Variants in NEK10 observed in about 807,000 individuals in gnomAD.
NEK10 encodes the protein serine/threonine-protein kinase Nek10.
Under a neutral mutation model 159.8 loss-of-function variants are expected in NEK10, and 122 were observed. The observed-to-expected ratio is 0.76, with a 90% CI of 0.66 to 0.89. The LOEUF (loss-of-function observed/expected upper bound fraction) is 0.89. Among genes scored for constraint, NEK10 ranks in the 40% least tolerant of loss-of-function variants. The pLI, the probability that NEK10 is intolerant of heterozygous loss-of-function variation, is 0.00. For synonymous variants in NEK10, 466 were observed against 457.1 expected (o/e 1.02, Z -0.25); for missense variants, 1,342 against 1,323.1 (o/e 1.01, Z -0.22).
chr3:27,366,198 T>C (rs1307365473), intron 1 of NEK10, among the ~76,000 whole-genome samples: 1 of 152,108 alleles, frequency 6.6e-6, no homozygotes, highest in Non-Finnish European at 1.5e-5. Flanking sequence ...AACCACCCCA[T>C]TTTACAGATG....
chr3:27,188,890 T>C (rs17679780), intron 26 of NEK10, among the ~76,000 whole-genome samples: 4,756 of 152,274 alleles, frequency 0.031, 92 homozygotes, highest in African/African-American at 0.04. Context: ...ATGTCTTTAA[T>C]TGATTTTTCT....
intron 26 of NEK10, among the ~76,000 whole-genome samples, chr3:27,176,012 G>C (rs532153276): frequency 6.6e-6 from 1 of 152,178 alleles, no homozygotes; most frequent in South Asian, 2.1e-4. Context: ...CCAAGGCACA[G>C]GTTTCTAAAA....
chr3:27,230,169 T>G (rs1293358917), intron 23 of NEK10, among the ~76,000 whole-genome samples: 1 of 152,080 alleles, frequency 6.6e-6, no homozygotes, highest in Non-Finnish European at 1.5e-5. Context: ...AACAGAAGAT[T>G]TCTCAGGAGA....
rs1327816797 is a variant in NEK10, at chr3:27,365,657, C to A, written c.-38+3568G>T. Among the ~76,000 whole-genome samples the A allele has an allele frequency of 7.2e-5, 9 of 124,142 alleles. No individual in the cohort carries two copies. In the South Asian group the frequency reaches 2.3e-3, roughly 32 times the overall value. 81.4% of individuals were successfully genotyped at this position (124,142 alleles called of 152,430 possible). A position where few individuals can be genotyped will look rare whatever the true frequency, so the allele number is the denominator to read the frequency against. On this transcript the variant is annotated intron_variant, in intron 1 of 35. Coordinates refer to ENST00000691995, the MANE Select transcript of NEK10 (RefSeq NM_001394966.1). Reference sequence around the variant, plus strand: ...AGATGGAGTCTTGCTCTATTGCCCACGGTGGAGTGCAGTAGCACGATCTCA... The same window carrying A: ...AGATGGAGTCTTGCTCTATTGCCCAAGGTGGAGTGCAGTAGCACGATCTCA...
At chr3:27,241,384 A>C (rs1163960347) in intron 23 of NEK10, among the ~76,000 whole-genome samples, 1 of 152,138 alleles carries the variant, frequency 6.6e-6, no homozygotes, top group Non-Finnish European at 1.5e-5. Flanking sequence ...AACCATTTGC[A>C]GGTTTGTCTG....
chr3:27,168,703 G>A (rs1248965192), intron 29 of NEK10, among the ~76,000 whole-genome samples: 1 of 152,154 alleles, frequency 6.6e-6, no homozygotes, highest in African/African-American at 2.4e-5. Context: ...GTGTTCCCTG[G>A]TGGCATGTCA....
chr3:27,162,844 T>A, intron 29 of NEK10, 106 bp from the exon 30 acceptor site: 1 of 1,471,550 alleles, frequency 6.8e-7, no homozygotes, highest in South Asian at 1.3e-5. Flanking sequence ...TAATAGAGAT[T>A]ATTTTCCCTC....
intron 32 of NEK10, among the ~76,000 whole-genome samples, chr3:27,130,661 A>G (rs1320485971): frequency 6.6e-6 from 1 of 152,224 alleles, no homozygotes; most frequent in Non-Finnish European, 1.5e-5. Context: ...CTTAATAAGA[A>G]TATAAAATAA....
At chr3:27,162,022 A>AAAAGG (rs1946054671) in intron 30 of NEK10, among the ~76,000 whole-genome samples, 1 of 152,060 alleles carries the variant, frequency 6.6e-6, no homozygotes, top group Non-Finnish European at 1.5e-5. Flanking sequence ...AAAAGAAAAG[A>AAAAGG]AAAGAAACAT....
intron 24 of NEK10, 45 bp downstream of exon 24, chr3:27,202,383 C>T (rs572736220): frequency 2.6e-6 from 4 of 1,540,090 alleles, no homozygotes; most frequent in Admixed American, 3.9e-5. Context: ...AAAAGAATTG[C>T]ATTTTTAGCT....
chr3:27,320,600 T>C (rs1012361675), intron 6 of NEK10, among the ~76,000 whole-genome samples: 31 of 152,154 alleles, frequency 2.0e-4, no homozygotes, highest in African/African-American at 6.8e-4. Context: ...CAGAAATGCA[T>C]GGAACACACA....
In NEK10 at chr3:27,109,682, A is replaced by T. The variant is rs1025685651; in HGVS notation, c.*1590T>A. Among the ~76,000 whole-genome samples the T allele has an allele frequency of 6.6e-6, 1 of 152,216 alleles. No individual in the cohort carries two copies. Among genetic ancestry groups the T allele is most frequent in the African/African-American group, 2.4e-5 (1 of 41,456 alleles). ...GAAAGATAAAAAGAATTATAAGTGCAGGTTCAAATTAACTTGGAACAGAAA... is the reference window on the plus strand; with the variant it reads ...GAAAGATAAAAAGAATTATAAGTGCTGGTTCAAATTAACTTGGAACAGAAA... On this transcript the variant is annotated 3_prime_UTR_variant, in exon 36 of 36. Transcript: ENST00000691995.
intron 28 of NEK10, 156 bp downstream of exon 28, chr3:27,174,283 G>T: frequency 3.0e-6 from 2 of 655,742 alleles, no homozygotes; most frequent in Non-Finnish European, 3.8e-6. Context: ...TTTGGGCTCT[G>T]TCAGAGAGAC....
intron 23 of NEK10, among the ~76,000 whole-genome samples, chr3:27,253,787 G>T (rs972032592): frequency 6.6e-6 from 1 of 152,108 alleles, no homozygotes; most frequent in African/African-American, 2.4e-5. Context: ...ACATTTATAG[G>T]CTCAGACAAG....
At chr3:27,296,727 G>A (rs1400846319) in intron 14 of NEK10, among the ~76,000 whole-genome samples, 2 of 152,064 alleles carry the variant, frequency 1.3e-5, no homozygotes, top group Admixed American at 6.6e-5. Context: ...TGTACATATA[G>A]TAGATTAATT....
intron 30 of NEK10, chr3:27,143,397 G>A: frequency 1.4e-6 from 1 of 725,600 alleles, no homozygotes; most frequent in Non-Finnish European, 2.5e-6. Flanking sequence ...AGAGTTCTTA[G>A]ATCTGTGATG....
At chr3:27,263,228 C>A (rs1034578819) in intron 22 of NEK10, among the ~76,000 whole-genome samples, 1 of 152,232 alleles carries the variant, frequency 6.6e-6, no homozygotes, top group East Asian at 1.9e-4. Context: ...TCTGCCCCTA[C>A]TAGGGGGTGC....
intron 22 of NEK10, among the ~76,000 whole-genome samples, chr3:27,266,172 A>G (rs1280233188): frequency 1.3e-5 from 2 of 152,178 alleles, no homozygotes; most frequent in Non-Finnish European, 2.9e-5. Flanking sequence ...TTTTCAAAGA[A>G]TAGAAGTTTT....
intron 22 of NEK10, among the ~76,000 whole-genome samples, chr3:27,271,114 G>A (rs2041307295): frequency 6.6e-6 from 1 of 151,678 alleles, no homozygotes; most frequent in Admixed American, 6.6e-5. Flanking sequence ...ATAACTATAT[G>A]TATATCCATC....
Sources: allele counts gnomAD v4.1 joint callset (sites outside exome capture counted in the v4.1 genomes callset), GRCh38; gene constraint gnomAD v4.1.1; transcripts MANE v1.5; gene names NCBI Gene and HGNC (gene_info 2026-07-23, HGNC 2026-07-21).